XKR9: variants seen among roughly 807,000 people sequenced by gnomAD.
XKR9 encodes the protein XK-related protein 9.
In XKR9, 32 loss-of-function variants were observed where a neutral mutation model predicts 32.0. The ratio of observed to expected loss-of-function variants is 1.00; its 90% CI spans 0.76 to 1.34. The LOEUF (loss-of-function observed/expected upper bound fraction) is 1.34, where lower values mean the gene tolerates loss of function less well. XKR9 is among the 40% of genes most tolerant of loss of function. The pLI is 0.00. For missense variants in XKR9, 546 were observed against 429.7 expected, an observed-to-expected ratio of 1.27 and a Z score of -2.39; for synonymous variants, 168 against 143.4, an observed-to-expected ratio of 1.17 and a Z score of -1.22.
chr8:70,682,335 A>G (rs1318631253), intron 3 of XKR9, among the ~76,000 whole-genome samples: 1 of 152,218 alleles, frequency 6.6e-6, no homozygotes, highest in Non-Finnish European at 1.5e-5. Context: ...GAAGAAAGAT[A>G]AAAGTTGCTT....
At chr8:70,731,840 T>G (rs1563455983) in intron 4 of XKR9, among the ~76,000 whole-genome samples, 2 of 152,200 alleles carry the variant, frequency 1.3e-5, no homozygotes, top group Non-Finnish European at 2.9e-5. Context: ...GACAATTCCT[T>G]CTGAGATCCC....
At chr8:70,785,417 G>C (rs1807671701) in intron 2 of XKR9, among the ~76,000 whole-genome samples, 1 of 151,570 alleles carries the variant, frequency 6.6e-6, no homozygotes, top group African/African-American at 2.4e-5. Flanking sequence ...CTAACTGAAA[G>C]TTTGCCAATT....
At chr8:71,052,259 T>C in the XKR9 span, among the ~76,000 whole-genome samples, 1 of 152,172 alleles carries the variant, frequency 6.6e-6, no homozygotes, top group Non-Finnish European at 1.5e-5. Context: ...GCAGTTAGAG[T>C]GAGCCTGCTG....
the XKR9 span, among the ~76,000 whole-genome samples, chr8:70,972,949 A>G: frequency 1.1e-4 from 16 of 152,072 alleles, no homozygotes; most frequent in South Asian, 3.1e-3. Context: ...GTCCTTCCCT[A>G]GTTTTGGTAT....
chr8:70,814,142 A>T, the XKR9 span, among the ~76,000 whole-genome samples: 987 of 152,310 alleles, frequency 6.5e-3, 14 homozygotes, highest in African/African-American at 0.023. Context: ...TGTCCTTTGC[A>T]GGGACATGGA....
chr8:70,743,724 A>T (rs2130168754), intron 2 of XKR9, among the ~76,000 whole-genome samples: 2 of 152,150 alleles, frequency 1.3e-5, no homozygotes, highest in Middle Eastern at 6.8e-3. Context: ...TAGATTTTCC[A>T]CCTCATTTTT....
chr8:70,722,160 A>G (rs1194927933), intron 4 of XKR9, among the ~76,000 whole-genome samples: 1 of 151,624 alleles, frequency 6.6e-6, no homozygotes, highest in African/African-American at 2.4e-5. Context: ...CTTGGTAAAT[A>G]TTCCTCCATC....
chr8:70,685,389 A>G (rs979090204), intron 3 of XKR9, among the ~76,000 whole-genome samples: 61 of 145,246 alleles, frequency 4.2e-4, no homozygotes, highest in Admixed American at 7.6e-4. Flanking sequence ...AGATATACCT[A>G]ATGCTAAATG....
At chr8:71,024,642 G>A in the XKR9 span, among the ~76,000 whole-genome samples, 3 of 152,124 alleles carry the variant, frequency 2.0e-5, no homozygotes, top group Non-Finnish European at 2.9e-5. Flanking sequence ...GTTTGCAGGG[G>A]TCAAGGGACT....
At chr8:70,691,062 C>T (rs539257165) in intron 3 of XKR9, among the ~76,000 whole-genome samples, 3 of 152,152 alleles carry the variant, frequency 2.0e-5, no homozygotes, top group South Asian at 4.1e-4. Context: ...TCCACAACCT[C>T]GCCAGCATCT....
intron 2 of XKR9, among the ~76,000 whole-genome samples, chr8:70,761,925 G>A (rs1281549514): frequency 6.6e-6 from 1 of 151,958 alleles, no homozygotes; most frequent in Admixed American, 6.6e-5. Context: ...TGGCTAGCCA[G>A]TTCTCCCAGC....
At chr8:71,043,403 G>A in the XKR9 span, among the ~76,000 whole-genome samples, 4 of 152,196 alleles carry the variant, frequency 2.6e-5, no homozygotes, top group Admixed American at 1.3e-4. Flanking sequence ...TTCTTTGTAA[G>A]TAAACATTTG....
the XKR9 span, among the ~76,000 whole-genome samples, chr8:70,922,060 G>A: frequency 2.0e-5 from 3 of 152,170 alleles, no homozygotes; most frequent in African/African-American, 4.8e-5. Flanking sequence ...GAAACTATGG[G>A]TTCAGAAGCA....
At chr8:71,002,830 T>C in the XKR9 span, among the ~76,000 whole-genome samples, 1 of 152,360 alleles carries the variant, frequency 6.6e-6, no homozygotes, top group East Asian at 1.9e-4. Context: ...CAAATGGAAA[T>C]GTCTTTGCAT....
chr8:70,918,913 G>A, the XKR9 span, among the ~76,000 whole-genome samples: 3 of 150,810 alleles, frequency 2.0e-5, no homozygotes, highest in African/African-American at 7.3e-5. Flanking sequence ...GAGTAGCTGT[G>A]ACTACAGGCG....
chr8:70,970,554 TGAGAACA>T, the XKR9 span, among the ~76,000 whole-genome samples: 1 of 152,192 alleles, frequency 6.6e-6, no homozygotes, highest in African/African-American at 2.4e-5. Context: ...CACTTATGAA[TGAGAACA>T]TACGGTGTTT....
the XKR9 span, among the ~76,000 whole-genome samples, chr8:70,961,614 T>G: frequency 6.6e-6 from 1 of 152,230 alleles, no homozygotes; most frequent in African/African-American, 2.4e-5. Context: ...CTATATACAT[T>G]TCTTTAAACA....
chr8:70,736,325 T>C (rs1806862356), downstream of XKR9, among the ~76,000 whole-genome samples: 2 of 151,608 alleles, frequency 1.3e-5, no homozygotes, highest in East Asian at 3.8e-4. Context: ...GTTTGTTTTT[T>C]CTTGTAAATT....
the XKR9 span, among the ~76,000 whole-genome samples, chr8:70,959,907 A>G: frequency 6.6e-6 from 1 of 152,150 alleles, no homozygotes; most frequent in Non-Finnish European, 1.5e-5. Context: ...GATATGTTTA[A>G]TCATATATAA....
Sources: allele counts gnomAD v4.1 joint callset (sites outside exome capture counted in the v4.1 genomes callset), GRCh38; gene constraint gnomAD v4.1.1; transcripts MANE v1.5; gene names NCBI Gene and HGNC (gene_info 2026-07-23, HGNC 2026-07-21).